Variants in DLG5 observed in about 807,000 individuals in gnomAD.
The protein encoded by DLG5 is disks large homolog 5.
A neutral mutation model predicts 189.8 loss-of-function variants in DLG5; 48 were observed. That is an observed-to-expected ratio of 0.25 (90% CI 0.20 to 0.32). The LOEUF is 0.32. DLG5 is among the 10% of genes least tolerant of loss of function. DLG5 has a pLI of 1.00. For missense variants in DLG5, 2,160 were observed against 2,544.7 expected (o/e 0.85, Z 3.25); for synonymous variants, 1,016 against 1,054.1 (o/e 0.96, Z 0.70).
In DLG5 at chr10:77,819,380, G is replaced by A. The variant is rs753425994; in HGVS notation, c.3612C>T (p.Val1204=). The A allele has an allele frequency of 3.1e-6, 5 of 1,614,102 alleles. No individual in the cohort carries two copies. Among genetic ancestry groups the A allele is most frequent in the East Asian group, 2.2e-5 (1 of 44,862 alleles). The change falls in exon 17 of 32, where the codon GTC becomes GTT. Residue 1204 remains valine (V), a synonymous_variant. Coordinates refer to ENST00000372391, the MANE Select transcript of DLG5 (RefSeq NM_004747.4). The part of the protein sequence containing the change: ...NPIYTVRSHR[V]GPCSSPPAAR... ...CCGCAGGTGGAGAGCTGCAGGGGCC[G>A]ACCCTGTGACTGCGCACAGTGTAGA...
In DLG5 at chr10:77,791,323, C is replaced by T. The variant is rs1840633878; in HGVS notation, c.*1117G>A. ...GAACCACATCAAATCTTCAGCCAGA[C>T]ATATCTAGCCTCAGAAGTGCAAAAA... is the stretch of plus-strand genomic sequence containing the variant. On this transcript the variant is annotated 3_prime_UTR_variant, in exon 32 of 32. Coordinates refer to ENST00000372391, the MANE Select transcript of DLG5 (RefSeq NM_004747.4). 1.3e-5 allele frequency: 2 copies of T among 150,280 alleles called. No homozygotes were observed. The highest frequency in any genetic ancestry group is 3.0e-5 in the Non-Finnish European group (2 of 67,754). The allele number at this position is 150,280 out of a possible 1,614,324, so 9.3% of individuals were successfully genotyped here.
intron 10 of DLG5, 99 bp downstream of exon 10, chr10:77,830,642 C>A: frequency 6.5e-7 from 1 of 1,532,098 alleles, no homozygotes; most frequent in Admixed American, 1.8e-5. Context: ...GGAGAACCTC[C>A]AAACTTGGAG....
intron 27 of DLG5, among the ~76,000 whole-genome samples, chr10:77,803,832 A>G (rs1841337135): frequency 6.6e-6 from 1 of 152,048 alleles, no homozygotes; most frequent in Admixed American, 6.6e-5. Context: ...GAGTGAAGGA[A>G]AAAAAACAAA....
At chr10:77,846,363 G>C (rs145162025) in intron 5 of DLG5, among the ~76,000 whole-genome samples, 1 of 152,236 alleles carries the variant, frequency 6.6e-6, no homozygotes, top group African/African-American at 2.4e-5. Flanking sequence ...ATCTAAACTG[G>C]ATTGCCCTGA....
At chr10:77,848,430 A>G (rs1463155259) in intron 5 of DLG5, among the ~76,000 whole-genome samples, 1 of 152,228 alleles carries the variant, frequency 6.6e-6, no homozygotes, top group Non-Finnish European at 1.5e-5. Context: ...GGGGCCTGAG[A>G]GGTTTCCCAA....
chr10:77,911,480 T>G (rs1401561771), intron 1 of DLG5, among the ~76,000 whole-genome samples: 1 of 152,210 alleles, frequency 6.6e-6, no homozygotes, highest in Non-Finnish European at 1.5e-5. Flanking sequence ...AGATTTTGTT[T>G]CCTTTGTTTT....
chr10:77,819,204 C>T (rs565975269), intron 17 of DLG5, 117 bp downstream of exon 17: 1 of 1,481,060 alleles, frequency 6.8e-7, no homozygotes, highest in Admixed American at 1.8e-5. Context: ...AGCCAGTCCC[C>T]TCCCAGGCAG....
intron 13 of DLG5, among the ~76,000 whole-genome samples, chr10:77,826,228 G>A (rs1375605070): frequency 2.0e-5 from 3 of 152,228 alleles, no homozygotes; most frequent in African/African-American, 7.2e-5. Flanking sequence ...ACAGATGTAA[G>A]TAAGGGCAGA....
At chr10:77,925,569 T>G (rs1376182316) in intron 1 of DLG5, among the ~76,000 whole-genome samples, 1 of 152,158 alleles carries the variant, frequency 6.6e-6, no homozygotes, top group Non-Finnish European at 1.5e-5. Flanking sequence ...AGCTCTGTGC[T>G]CTCAGGGAGA....
chr10:77,815,395 C>A (rs555496284), intron 20 of DLG5, among the ~76,000 whole-genome samples: 1 of 152,190 alleles, frequency 6.6e-6, no homozygotes. Flanking sequence ...CACGGTGGCT[C>A]ACGTCTGTAA....
chr10:77,870,214 T>C (rs1844842948), intron 1 of DLG5, among the ~76,000 whole-genome samples: 1 of 152,230 alleles, frequency 6.6e-6, no homozygotes, highest in Non-Finnish European at 1.5e-5. Context: ...GTTTTGTTCT[T>C]GGAGCCAAAA....
intron 23 of DLG5, 145 bp downstream of exon 23, chr10:77,810,949 T>C (rs1841735588): frequency 1.0e-6 from 1 of 968,546 alleles, no homozygotes; most frequent in Non-Finnish European, 1.5e-6. Context: ...AGGAATGCCG[T>C]GCTCCCGGCC....
chr10:77,853,102 C>T (rs555790763), intron 5 of DLG5, among the ~76,000 whole-genome samples: 1 of 152,206 alleles, frequency 6.6e-6, no homozygotes, highest in Admixed American at 6.5e-5. Context: ...CCTGCCTCAA[C>T]CTCCTGAGTA....
chr10:77,890,151 G>A lies in DLG5; in HGVS notation c.305-20954C>T, dbSNP rs546032239. On this transcript the variant is annotated intron_variant, in intron 1 of 31. Transcript: ENST00000372391. Reference sequence around the variant, plus strand: ...AAGGGGAAACTTAGAGGCAGATTGGGGCCAAAAACCTATAGACAACAGCTA... The same window carrying A: ...AAGGGGAAACTTAGAGGCAGATTGGAGCCAAAAACCTATAGACAACAGCTA... 1.1e-4 allele frequency among the ~76,000 whole-genome samples: 16 copies of A among 152,238 alleles called. No individual in the cohort carries two copies. In the South Asian group the frequency reaches 3.1e-3, roughly 30 times the overall value.
chr10:77,884,548 G>A (rs1166748438), intron 1 of DLG5, among the ~76,000 whole-genome samples: 1 of 152,046 alleles, frequency 6.6e-6, no homozygotes, highest in African/African-American at 2.4e-5. Flanking sequence ...CATGGTGGTC[G>A]GCACTTAGCA....
rs551488487 is a variant in DLG5, at chr10:77,893,806, G to A, written c.305-24609C>T. Among the ~76,000 whole-genome samples the A allele has an allele frequency of 2.0e-5, 3 of 152,312 alleles. No individual in the cohort carries two copies. In the South Asian group the frequency reaches 6.2e-4, roughly 32 times the overall value. On this transcript the variant is annotated intron_variant, in intron 1 of 31. Transcript: ENST00000372391. Reference sequence around the variant, plus strand: ...TTCTAATTCTCCCTGGAGGAAACTGGATCAATGGGGGATGGGGGAAGGGAC... The same window carrying A: ...TTCTAATTCTCCCTGGAGGAAACTGAATCAATGGGGGATGGGGGAAGGGAC...
intron 1 of DLG5, among the ~76,000 whole-genome samples, chr10:77,871,880 A>G (rs1844916505): frequency 6.6e-6 from 1 of 152,062 alleles, no homozygotes; most frequent in Admixed American, 6.5e-5. Flanking sequence ...CTCTTTCTAT[A>G]TCATACACAT....
chr10:77,857,159 T>C (rs960109917), intron 2 of DLG5, among the ~76,000 whole-genome samples: 2 of 152,046 alleles, frequency 1.3e-5, no homozygotes, highest in Non-Finnish European at 2.9e-5. Context: ...GCGCACTCTC[T>C]CCCCAACCTG....
rs374595237 is a variant in DLG5, at chr10:77,826,745, C to T, written c.2289+2137G>A. Among the ~76,000 whole-genome samples, 12 of 152,316 alleles carry T rather than the reference C, an allele frequency of 7.9e-5. 1 individual carries two copies. Among genetic ancestry groups the T allele is most frequent in the Admixed American group, 5.2e-4 (8 of 15,290 alleles). Reference sequence around the variant, plus strand: ...GGTGGATCACCTGACGTCAGGAGCTCGAGACCAGGCTGGCCAAAATGGCGA... The same window carrying T: ...GGTGGATCACCTGACGTCAGGAGCTTGAGACCAGGCTGGCCAAAATGGCGA... On this transcript the variant is annotated intron_variant, in intron 13 of 31. Transcript: ENST00000372391.
Sources: gnomAD v4.1 joint callset for allele counts (sites outside exome capture counted in the v4.1 genomes callset) on GRCh38, gnomAD v4.1.1 for gene constraint, MANE v1.5 for transcripts, NCBI Gene and HGNC (gene_info 2026-07-23, HGNC 2026-07-21) for gene names.